The following IMMP2L variants were observed in gnomAD, a reference collection of about 807,000 sequenced individuals.
IMMP2L encodes mitochondrial inner membrane protease subunit 2.
In IMMP2L, 18 loss-of-function variants were observed where a neutral mutation model predicts 19.3. That is an observed-to-expected ratio of 0.93 (90% CI 0.64 to 1.38). The LOEUF is 1.38. IMMP2L is among the 40% of genes most tolerant of loss of function. IMMP2L has a pLI of 0.00. For missense variants in IMMP2L, 233 were observed against 218.2 expected, an observed-to-expected ratio of 1.07 and a Z score of -0.43; for synonymous variants, 76 against 73.0, an observed-to-expected ratio of 1.04 and a Z score of -0.21.
intron 3 of IMMP2L, among the ~76,000 whole-genome samples, chr7:111,157,266 T>C (rs984050291): frequency 6.6e-6 from 1 of 152,042 alleles, no homozygotes; most frequent in African/African-American, 2.4e-5. Flanking sequence ...CAAAGAGATA[T>C]CTGTATTCCC....
At chr7:111,540,368 G>A (rs1848405664) in intron 1 of IMMP2L, among the ~76,000 whole-genome samples, 1 of 152,136 alleles carries the variant, frequency 6.6e-6, no homozygotes, top group South Asian at 2.1e-4. Flanking sequence ...ACAACATTGT[G>A]CAATTGCAGA....
Position 111,412,265 on chromosome 7 carries a change from A to G in IMMP2L, c.239+74973T>C, listed in dbSNP as rs536681559. ...TAATTGACAGAACAAAGAGACCAGA[A>G]ACAGTAAGGATATAAAATACTTCAG... On this transcript the variant is annotated intron_variant, in intron 3 of 5. Transcript: ENST00000405709. 4.0e-5 allele frequency among the ~76,000 whole-genome samples: 6 copies of G among 151,816 alleles called. No homozygotes were observed. In the South Asian group the frequency reaches 1.0e-3, roughly 26 times the overall value.
intron 5 of IMMP2L, among the ~76,000 whole-genome samples, chr7:110,810,870 T>C (rs1232432567): frequency 1.3e-5 from 2 of 152,106 alleles, no homozygotes; most frequent in Non-Finnish European, 2.9e-5. Context: ...GAAACTTCAA[T>C]TATGGGTGCC....
chr7:111,454,724 A>T (rs937413826), intron 3 of IMMP2L, among the ~76,000 whole-genome samples: 1 of 152,094 alleles, frequency 6.6e-6, no homozygotes, highest in East Asian at 1.9e-4. Context: ...CTTAGTTTTA[A>T]AGCTTTTTTT....
intron 3 of IMMP2L, among the ~76,000 whole-genome samples, chr7:110,992,852 T>G (rs780565301): frequency 2.0e-5 from 3 of 152,126 alleles, no homozygotes; most frequent in Non-Finnish European, 4.4e-5. Context: ...CATCTTGTCC[T>G]TGTAGGCCAC....
chr7:110,821,151 C>T (rs1802993650), intron 5 of IMMP2L, among the ~76,000 whole-genome samples: 3 of 152,048 alleles, frequency 2.0e-5, no homozygotes, highest in African/African-American at 7.2e-5. Flanking sequence ...ACTCATTTAA[C>T]TCTTCCCAAC....
chr7:111,376,289 A>T (rs1830672288), intron 3 of IMMP2L, among the ~76,000 whole-genome samples: 1 of 152,148 alleles, frequency 6.6e-6, no homozygotes, highest in Admixed American at 6.6e-5. Context: ...TATGTGGCCA[A>T]TAAACACATA....
chr7:111,293,472 A>G (rs1423136249), intron 3 of IMMP2L, among the ~76,000 whole-genome samples: 1 of 151,932 alleles, frequency 6.6e-6, no homozygotes, highest in Non-Finnish European at 1.5e-5. Context: ...TGGGGAGTCT[A>G]CGCAGCTAGC....
At chr7:110,866,349 C>G (rs1000871904) in intron 5 of IMMP2L, among the ~76,000 whole-genome samples, 1 of 151,746 alleles carries the variant, frequency 6.6e-6, no homozygotes, top group Non-Finnish European at 1.5e-5. Context: ...TAAAACAGCA[C>G]AAAGGCGATG....
chr7:110,782,014 C>T (rs890682847), intron 5 of IMMP2L, among the ~76,000 whole-genome samples: 1 of 151,672 alleles, frequency 6.6e-6, no homozygotes, highest in South Asian at 2.1e-4. Context: ...TCTTTATAAC[C>T]CAGTAGTGGT....
intron 4 of IMMP2L, among the ~76,000 whole-genome samples, chr7:110,927,574 T>C (rs1015356114): frequency 6.6e-6 from 1 of 152,084 alleles, no homozygotes; most frequent in East Asian, 1.9e-4. Flanking sequence ...GGAATGTCAC[T>C]GGTTTTATAT....
At chr7:111,352,561 C>A (rs982678125) in intron 3 of IMMP2L, among the ~76,000 whole-genome samples, 1 of 151,994 alleles carries the variant, frequency 6.6e-6, no homozygotes, top group Admixed American at 6.6e-5. Flanking sequence ...TTCTGTAGCA[C>A]CAAGTATCAG....
At chr7:110,912,225 A>C (rs1813134803) in intron 4 of IMMP2L, among the ~76,000 whole-genome samples, 1 of 152,140 alleles carries the variant, frequency 6.6e-6, no homozygotes, top group Non-Finnish European at 1.5e-5. Context: ...GGCTGTACCT[A>C]TCAGAATCTT....
At chr7:111,534,298 ATACAG>A (rs1047456147) in intron 1 of IMMP2L, among the ~76,000 whole-genome samples, 1 of 152,106 alleles carries the variant, frequency 6.6e-6, no homozygotes, top group Admixed American at 6.5e-5. Flanking sequence ...TATGACATGC[ATACAG>A]TAGAGTAATC....
At chr7:111,281,176 A>T (rs1330596411) in intron 3 of IMMP2L, among the ~76,000 whole-genome samples, 1 of 64,572 alleles carries the variant, frequency 1.5e-5, no homozygotes, top group Admixed American at 1.6e-4. Flanking sequence ...GAAAGAAAGA[A>T]AGAAAGAAAG....
rs1805426590 is a variant in IMMP2L, at chr7:110,844,362, A to T, written c.408+42231T>A. On this transcript the variant is annotated intron_variant, in intron 5 of 5. Transcript: ENST00000405709. ...ACTTCATAAAAGAGATAAACATGGA[A>T]CTAGATCTTGTAAGGACATAAGAGA... is the stretch of plus-strand genomic sequence containing the variant. Among the ~76,000 whole-genome samples the T allele has an allele frequency of 5.9e-5, 9 of 152,114 alleles. No individual in the cohort carries two copies. In the South Asian group the frequency reaches 1.9e-3, roughly 32 times the overall value.
intron 3 of IMMP2L, among the ~76,000 whole-genome samples, chr7:111,282,187 G>A (rs1039531526): frequency 3.3e-5 from 5 of 152,110 alleles, no homozygotes; most frequent in Admixed American, 6.5e-5. Context: ...ATTATAGAAA[G>A]AAGCGTGACA....
intron 1 of IMMP2L, among the ~76,000 whole-genome samples, chr7:111,528,467 T>G (rs1433195157): frequency 6.6e-6 from 1 of 152,184 alleles, no homozygotes; most frequent in African/African-American, 2.4e-5. Context: ...ACTGAGAATA[T>G]TTTTTAAATA....
chr7:111,343,519 G>T (rs37646), intron 3 of IMMP2L, among the ~76,000 whole-genome samples: 30,453 of 151,888 alleles, frequency 0.2, 5,008 homozygotes, highest in African/African-American at 0.45. Context: ...CCTGGCTCCC[G>T]GCGCACCCAG....
Sources: allele counts gnomAD v4.1 joint callset (sites outside exome capture counted in the v4.1 genomes callset), GRCh38; gene constraint gnomAD v4.1.1; transcripts MANE v1.5; gene names NCBI Gene and HGNC (gene_info 2026-07-23, HGNC 2026-07-21).